Variants in NRXN1 observed in about 807,000 individuals in gnomAD.
NRXN1 encodes the protein neurexin-1.
NRXN1 carries 39 observed loss-of-function variants against 150.9 expected under a neutral mutation model. The ratio of observed to expected loss-of-function variants is 0.26; its 90% confidence interval spans 0.20 to 0.34. NRXN1 has a LOEUF of 0.34. Among genes scored for constraint, NRXN1 ranks in the 10% least tolerant of loss-of-function variants. The probability of loss-of-function intolerance (pLI) is 1.00; values close to 1 mark genes in which losing one functional copy is unlikely to be tolerated. For missense variants in NRXN1, 1,815 were observed against 1,949.9 expected, an observed-to-expected ratio of 0.93 and a Z score of 1.30; for synonymous variants, 924 against 757.0, an observed-to-expected ratio of 1.22 and a Z score of -3.62.
intron 8 of NRXN1, among the ~76,000 whole-genome samples, chr2:50,599,876 G>C (rs1227422769): frequency 2.0e-5 from 3 of 152,104 alleles, no homozygotes; most frequent in African/African-American, 7.2e-5. Flanking sequence ...TCAGTTGATG[G>C]GGTGGATTTT....
intron 2 of NRXN1, among the ~76,000 whole-genome samples, chr2:50,998,988 CT>C (rs1327552016): frequency 6.6e-6 from 1 of 151,988 alleles, no homozygotes; most frequent in Non-Finnish European, 1.5e-5. Context: ...AGCAAGGTCT[CT>C]GTGTCAAATT....
chr2:50,362,118 T>G (rs1007729157), intron 17 of NRXN1, among the ~76,000 whole-genome samples: 1 of 152,116 alleles, frequency 6.6e-6, no homozygotes, highest in African/African-American at 2.4e-5. Flanking sequence ...TAAGAGCTAT[T>G]TATGACAAAC....
At chr2:49,950,637 A>C (rs949550838) in intron 21 of NRXN1, among the ~76,000 whole-genome samples, 2 of 152,132 alleles carry the variant, frequency 1.3e-5, no homozygotes, top group Non-Finnish European at 2.9e-5. Flanking sequence ...AGTAAATTCA[A>C]ATAGCTTATT....
chr2:50,263,167 C>T (rs1330711980), intron 17 of NRXN1, among the ~76,000 whole-genome samples: 2 of 51,922 alleles, frequency 3.9e-5, no homozygotes, highest in African/African-American at 1.4e-4. Context: ...TACACACACA[C>T]ACACACACAC....
intron 18 of NRXN1, among the ~76,000 whole-genome samples, chr2:50,114,537 C>T (rs1259264522): frequency 6.6e-6 from 1 of 152,112 alleles, no homozygotes; most frequent in Non-Finnish European, 1.5e-5. Flanking sequence ...GAATTTATGT[C>T]CACACAATAA....
intron 12 of NRXN1, among the ~76,000 whole-genome samples, chr2:50,521,904 C>T (rs1368007558): frequency 2.6e-5 from 4 of 151,972 alleles, no homozygotes; most frequent in Non-Finnish European, 5.9e-5. Context: ...GCTTATGGGG[C>T]GACCTGAACT....
At chr2:50,484,023 CA>C (rs2090684505) in intron 15 of NRXN1, among the ~76,000 whole-genome samples, 3 of 152,136 alleles carry the variant, frequency 2.0e-5, no homozygotes, top group Admixed American at 2.0e-4. Flanking sequence ...TATAAAAGAA[CA>C]GCTCTTTCCT....
intron 18 of NRXN1, among the ~76,000 whole-genome samples, chr2:50,100,172 A>C (rs1700802732): frequency 6.6e-6 from 1 of 152,146 alleles, no homozygotes; most frequent in African/African-American, 2.4e-5. Context: ...AGGACTTTGC[A>C]TTAGGTTGAA....
intron 5 of NRXN1, among the ~76,000 whole-genome samples, chr2:50,771,805 T>A (rs1703045621): frequency 6.6e-6 from 1 of 152,042 alleles, no homozygotes; most frequent in Admixed American, 6.6e-5. Flanking sequence ...ATTCATTCAT[T>A]TGGTAAGTGT....
intron 17 of NRXN1, among the ~76,000 whole-genome samples, chr2:50,433,496 T>C (rs561590117): frequency 1.3e-4 from 20 of 152,150 alleles, no homozygotes; most frequent in Non-Finnish European, 2.4e-4. Flanking sequence ...GTTTCTTCTA[T>C]ATATTTTCTC....
intron 18 of NRXN1, among the ~76,000 whole-genome samples, chr2:50,227,563 A>G (rs2064520315): frequency 6.6e-6 from 1 of 152,038 alleles, no homozygotes; most frequent in Admixed American, 6.6e-5. Flanking sequence ...TCAGCCAGGT[A>G]TGTCTTGAAC....
chr2:51,017,122 G>A (rs556691813), intron 2 of NRXN1, among the ~76,000 whole-genome samples: 5 of 151,922 alleles, frequency 3.3e-5, no homozygotes, highest in African/African-American at 1.2e-4. Context: ...GGGTCTAGGG[G>A]AGGGATATCA....
chr2:50,699,720 G>A (rs1055479016), intron 5 of NRXN1, among the ~76,000 whole-genome samples: 6 of 151,940 alleles, frequency 3.9e-5, no homozygotes, highest in Non-Finnish European at 7.4e-5. Flanking sequence ...AAGGAACATG[G>A]CCCTGCCAAC....
At chr2:50,650,269 T>A (rs1052101319) in intron 5 of NRXN1, among the ~76,000 whole-genome samples, 1 of 152,076 alleles carries the variant, frequency 6.6e-6, no homozygotes, top group Non-Finnish European at 1.5e-5. Context: ...ACTGCCTTTA[T>A]ATACATGATA....
chr2:49,973,228 T>C (rs1678266544), intron 21 of NRXN1, among the ~76,000 whole-genome samples: 1 of 152,192 alleles, frequency 6.6e-6, no homozygotes, highest in Non-Finnish European at 1.5e-5. Context: ...AATTAAAATC[T>C]TACTATTGTT....
chr2:50,753,999 C>CA (rs1700909185), intron 5 of NRXN1, among the ~76,000 whole-genome samples: 1 of 142,744 alleles, frequency 7.0e-6, no homozygotes, highest in Admixed American at 7.3e-5. Context: ...CATTAATGTA[C>CA]TAGTTTAATA....
intron 15 of NRXN1, among the ~76,000 whole-genome samples, 196 bp from the exon 16 acceptor site, chr2:50,472,667 A>G (rs914491043): frequency 1.3e-5 from 2 of 151,920 alleles, no homozygotes; most frequent in African/African-American, 4.8e-5. Context: ...ACATTTCTAA[A>G]AGCTATTTCC....
chr2:50,737,141 C>T (rs566246055), intron 5 of NRXN1, among the ~76,000 whole-genome samples: 1 of 152,122 alleles, frequency 6.6e-6, no homozygotes, highest in African/African-American at 2.4e-5. Flanking sequence ...TGCCTGTAAT[C>T]CCAGCTACTT....
At chr2:50,158,603 T>C (rs2059169324) in intron 18 of NRXN1, among the ~76,000 whole-genome samples, 1 of 152,062 alleles carries the variant, frequency 6.6e-6, no homozygotes, top group African/African-American at 2.4e-5. Flanking sequence ...TAAAGTTCTT[T>C]GTGAAGGAAA....
Sources: gnomAD v4.1 joint callset for allele counts (sites outside exome capture counted in the v4.1 genomes callset) on GRCh38, gnomAD v4.1.1 for gene constraint, MANE v1.5 for transcripts, NCBI Gene and HGNC (gene_info 2026-07-23, HGNC 2026-07-21) for gene names.